Variants in EVI5 observed in about 807,000 individuals in gnomAD.
EVI5 encodes the protein ecotropic viral integration site 5 protein homolog.
Under a neutral mutation model 112.0 loss-of-function variants are expected in EVI5, and 73 were observed. That is an observed-to-expected ratio of 0.65 (90% CI 0.54 to 0.79). The LOEUF (loss-of-function observed/expected upper bound fraction) is 0.79. Ranked by LOEUF, EVI5 falls within the 30% of genes least tolerant of loss-of-function variation. The pLI, the probability that EVI5 is intolerant of heterozygous loss-of-function variation, is 0.00. For synonymous variants in EVI5, 305 were observed against 319.9 expected (o/e 0.95, Z 0.50); for missense variants, 900 against 968.8 (o/e 0.93, Z 0.94).
rs78186335 is a variant in EVI5 at position 92,516,515 on chromosome 1, G to C, written c.2167-2545C>G. On this transcript the variant is annotated intron_variant, in intron 19 of 19. Coordinates refer to ENST00000684568, the MANE Select transcript of EVI5 (RefSeq NM_001350197.2). ...AGGTAAGCGACTATGTGGTAAAACT[G>C]AAGCTATCCCTTGGTTATCTGTCCC... Among the ~76,000 whole-genome samples the C allele has an allele frequency of 5.8e-3, 877 of 152,292 alleles. 7 individuals carry two copies. Among genetic ancestry groups the C allele is most frequent in the African/African-American group, 0.019 (781 of 41,552 alleles).
At chr1:92,599,931 G>T (rs983235709) in intron 18 of EVI5, among the ~76,000 whole-genome samples, 4 of 152,122 alleles carry the variant, frequency 2.6e-5, no homozygotes, top group Admixed American at 2.6e-4. Context: ...TTAAAAGGTA[G>T]TCAATGAAAT....
intron 18 of EVI5, among the ~76,000 whole-genome samples, chr1:92,592,870 G>A (rs921758818): frequency 5.3e-4 from 81 of 152,244 alleles, no homozygotes; most frequent in Admixed American, 9.8e-4. Context: ...ACTAAACCAG[G>A]ACGAAGTTGA....
In EVI5 at chr1:92,572,524, T is replaced by C. The variant is rs137959812; in HGVS notation, c.2071-8787A>G. ...CACTTCATTTACATATATGAAAAGA[T>C]ATAAGTCCCCCAAAGATTACTTTAG... On this transcript the variant is annotated intron_variant, in intron 18 of 19. Coordinates refer to ENST00000684568, the MANE Select transcript of EVI5 (RefSeq NM_001350197.2). Among the ~76,000 whole-genome samples, 107 of 152,260 alleles carry C rather than the reference T, an allele frequency of 7.0e-4. 1 individual carries two copies. Among genetic ancestry groups the C allele is most frequent in the South Asian group, 4.1e-3 (20 of 4,828 alleles).
intron 1 of EVI5, among the ~76,000 whole-genome samples, chr1:92,783,111 G>A (rs1254577716): frequency 2.6e-5 from 4 of 151,902 alleles, no homozygotes; most frequent in Admixed American, 1.3e-4. Flanking sequence ...GTGAGCCACC[G>A]CACCCAGACC....
chr1:92,731,340 C>T lies in EVI5; in HGVS notation c.149+5058G>A, dbSNP rs948461078. 3.9e-5 allele frequency among the ~76,000 whole-genome samples: 6 copies of T among 152,078 alleles called. No homozygotes were observed. In the South Asian group the frequency reaches 6.2e-4, roughly 16 times the overall value. The stretch of plus-strand genomic sequence containing the variant: ...TTTCAAAAAAACAAAAAAAGAAATA[C>T]AATTGTATTTTCTTTTTAACACAGA... On this transcript the variant is annotated intron_variant, in intron 2 of 19. Coordinates refer to ENST00000684568, the MANE Select transcript of EVI5 (RefSeq NM_001350197.2).
chr1:92,781,631 T>C (rs1015462547), intron 1 of EVI5, among the ~76,000 whole-genome samples: 1 of 151,994 alleles, frequency 6.6e-6, no homozygotes, highest in Non-Finnish European at 1.5e-5. Flanking sequence ...AAGGACAAGA[T>C]TGATAAAGTA....
At chr1:92,629,825 C>A (rs1394886050) in intron 14 of EVI5, among the ~76,000 whole-genome samples, 1 of 125,370 alleles carries the variant, frequency 8.0e-6, no homozygotes. Flanking sequence ...CCTCCCCCCA[C>A]CCCAAAACAG....
At chr1:92,737,151 C>T (rs1026819088) in intron 1 of EVI5, among the ~76,000 whole-genome samples, 1 of 151,982 alleles carries the variant, frequency 6.6e-6, no homozygotes, top group Non-Finnish European at 1.5e-5. Context: ...TGTAGTGAGG[C>T]CCTTGATTGA....
chr1:92,542,305 G>A (rs1031966487), intron 19 of EVI5, among the ~76,000 whole-genome samples: 4 of 151,684 alleles, frequency 2.6e-5, no homozygotes, highest in African/African-American at 4.8e-5. Context: ...GCAACTCCTC[G>A]TCCATTCAAG....
intron 9 of EVI5, among the ~76,000 whole-genome samples, chr1:92,682,594 T>A (rs1213710785): frequency 6.6e-6 from 1 of 152,042 alleles, no homozygotes; most frequent in African/African-American, 2.4e-5. Context: ...AAACCCAGTC[T>A]CTACTAAAAA....
At chr1:92,635,570 C>A (rs1280982132) in intron 14 of EVI5, among the ~76,000 whole-genome samples, 1 of 152,148 alleles carries the variant, frequency 6.6e-6, no homozygotes, top group Admixed American at 6.5e-5. Flanking sequence ...TTCCAGGTGC[C>A]GTCCATCACC....
upstream of EVI5, among the ~76,000 whole-genome samples, chr1:92,785,793 G>C (rs954827990): frequency 6.6e-6 from 1 of 152,150 alleles, no homozygotes; most frequent in African/African-American, 2.4e-5. Context: ...ATGTTTAGAA[G>C]TGACAGCCGG....
chr1:92,670,358 A>G (rs531274195), intron 10 of EVI5, among the ~76,000 whole-genome samples: 3 of 152,246 alleles, frequency 2.0e-5, no homozygotes, highest in African/African-American at 7.2e-5. Flanking sequence ...AACCCCAACA[A>G]TTGTTTTCAC....
chr1:92,753,024 A>G (rs1349303893), intron 1 of EVI5, among the ~76,000 whole-genome samples: 2 of 152,144 alleles, frequency 1.3e-5, no homozygotes, highest in Middle Eastern at 3.2e-3. Context: ...GCAAAACACT[A>G]AAGAACTTAA....
intron 1 of EVI5, among the ~76,000 whole-genome samples, chr1:92,759,995 G>A (rs1251392146): frequency 2.0e-5 from 3 of 151,882 alleles, no homozygotes; most frequent in South Asian, 2.1e-4. Flanking sequence ...TTAATAGTTT[G>A]CTCTGGCTAA....
chr1:92,548,245 A>ATTTT (rs1469654476), intron 19 of EVI5, among the ~76,000 whole-genome samples: 1 of 152,214 alleles, frequency 6.6e-6, no homozygotes, highest in African/African-American at 2.4e-5. Flanking sequence ...AAAGACAAAA[A>ATTTT]CCACATGATT....
At chr1:92,532,406 G>A (rs1441721408) in intron 19 of EVI5, among the ~76,000 whole-genome samples, 1 of 151,924 alleles carries the variant, frequency 6.6e-6, no homozygotes, top group African/African-American at 2.4e-5. Flanking sequence ...GATATCCAGG[G>A]CTTAAAATCA....
At chr1:92,662,537 G>A (rs1664200072) in intron 13 of EVI5, among the ~76,000 whole-genome samples, 182 bp downstream of exon 13, 1 of 151,940 alleles carries the variant, frequency 6.6e-6, no homozygotes, top group Admixed American at 6.6e-5. Flanking sequence ...AATTAGAACA[G>A]GAGTCCTTAG....
At chr1:92,722,663 C>A (rs145952682) in intron 2 of EVI5, among the ~76,000 whole-genome samples, 3 of 152,216 alleles carry the variant, frequency 2.0e-5, no homozygotes, top group Non-Finnish European at 4.4e-5. Flanking sequence ...CTCATAACAG[C>A]CCTCACACAA....
Sources: allele counts gnomAD v4.1 joint callset (sites outside exome capture counted in the v4.1 genomes callset), GRCh38; gene constraint gnomAD v4.1.1; transcripts MANE v1.5; gene names NCBI Gene and HGNC (gene_info 2026-07-23, HGNC 2026-07-21).